Variants in FERMT1 observed in about 807,000 individuals in gnomAD.
FERMT1 encodes FERM domain containing kindlin 1.
FERMT1 carries 60 observed loss-of-function variants against 85.3 expected under a neutral mutation model. The observed-to-expected ratio is 0.70, with a 90% CI of 0.57 to 0.87. The LOEUF (loss-of-function observed/expected upper bound fraction) is 0.87. Ranked by LOEUF, FERMT1 falls within the 40% of genes least tolerant of loss-of-function variation. FERMT1 has a pLI of 0.00. For missense variants in FERMT1, 701 were observed against 818.9 expected, an observed-to-expected ratio of 0.86 and a Z score of 1.76; for synonymous variants, 275 against 301.1, an observed-to-expected ratio of 0.91 and a Z score of 0.90.
At chr20:6,120,871 C>A (rs973160974) in intron 1 of FERMT1, among the ~76,000 whole-genome samples, 2 of 152,196 alleles carry the variant, frequency 1.3e-5, no homozygotes, top group African/African-American at 4.8e-5. Flanking sequence ...TTCTTCCCTT[C>A]AACCTATTTA....
At chr20:6,119,050 C>T (rs1297528829) in intron 2 of FERMT1, among the ~76,000 whole-genome samples, 1 of 151,894 alleles carries the variant, frequency 6.6e-6, no homozygotes, top group Non-Finnish European at 1.5e-5. Flanking sequence ...CGGGTTCAAG[C>T]GATTCTCCTG....
intron 6 of FERMT1, among the ~76,000 whole-genome samples, chr20:6,101,778 G>T (rs1051679326): frequency 6.6e-6 from 1 of 151,876 alleles, no homozygotes; most frequent in East Asian, 1.9e-4. Flanking sequence ...TCAGCTTCCC[G>T]AGTAGCTGGG....
chr20:6,096,729 C>T (rs1471119547), intron 8 of FERMT1, among the ~76,000 whole-genome samples, 173 bp downstream of exon 8: 1 of 149,718 alleles, frequency 6.7e-6, no homozygotes, highest in Non-Finnish European at 1.5e-5. Flanking sequence ...CCTTGTGGAG[C>T]TAACCCATGA....
At chr20:6,091,376 C>T (rs6076937) in intron 9 of FERMT1, among the ~76,000 whole-genome samples, 1 of 151,364 alleles carries the variant, frequency 6.6e-6, no homozygotes, top group African/African-American at 2.4e-5. Flanking sequence ...ATTACAGGCA[C>T]GTGCCACCAC....
At chr20:6,096,806 A>T in intron 8 of FERMT1, 96 bp downstream of exon 8, 1 of 1,036,254 alleles carries the variant, frequency 9.7e-7, no homozygotes, top group Non-Finnish European at 1.4e-6. Context: ...TTTTTTCAAA[A>T]TCAGATGAAA....
At chr20:6,077,379 C>A (rs1452496049) in intron 14 of FERMT1, 33 bp from the exon 15 acceptor site, 1 of 1,611,186 alleles carries the variant, frequency 6.2e-7, no homozygotes, top group South Asian at 1.1e-5. Flanking sequence ...AGCTTAAACT[C>A]TGACAAGGAA....
rs772679606 is a variant in FERMT1 at position 6,107,679 on chromosome 20, T to C, written c.747-45A>G. 6 of 979,048 alleles carry C rather than the reference T, an allele frequency of 6.1e-6. No individual in the cohort carries two copies. In the South Asian group the frequency reaches 7.9e-5, roughly 13 times the overall value. The allele number at this position is 979,048 out of a possible 1,614,324, so 60.6% of individuals were successfully genotyped here. A position where few individuals can be genotyped will look rare whatever the true frequency, so the allele number is the denominator to read the frequency against. On this transcript the variant is annotated intron_variant, in intron 5 of 14. Transcript: ENST00000217289. ...GTTTTAGAAGCCAGTCAATTTTACA[T>C]ATATATCCATTATATTATTATGTCA...
chr20:6,077,548 C>G (rs1164496948), intron 14 of FERMT1, among the ~76,000 whole-genome samples: 1 of 152,106 alleles, frequency 6.6e-6, no homozygotes, highest in Non-Finnish European at 1.5e-5. Flanking sequence ...CTGGTGGTGT[C>G]GACTTTGCTG....
chr20:6,077,672 C>A (rs1269270979), intron 14 of FERMT1, among the ~76,000 whole-genome samples: 1 of 152,008 alleles, frequency 6.6e-6, no homozygotes, highest in Non-Finnish European at 1.5e-5. Context: ...TTCGCAGGCA[C>A]TTTATTTTTA....
At chr20:6,081,112 T>A (rs1395929956) in intron 13 of FERMT1, among the ~76,000 whole-genome samples, 1 of 151,890 alleles carries the variant, frequency 6.6e-6, no homozygotes, top group Non-Finnish European at 1.5e-5. Context: ...CACAGTGAGA[T>A]CCCATCTCCT....
At position 6,097,632 on chromosome 20, in the gene FERMT1, C is replaced by T. The variant is rs1160754967; in HGVS notation, c.850-1G>A. Reference sequence around the variant, plus strand: ...GTTGGTTTATTCGGACAGCATCATACTAGAGACAAAAACAGAGGTGTGTGT... The same window carrying T: ...GTTGGTTTATTCGGACAGCATCATATTAGAGACAAAAACAGAGGTGTGTGT... On this transcript the variant is annotated splice_acceptor_variant, in intron 6 of 14. Transcript: ENST00000217289. LOFTEE classifies it high-confidence loss of function. 2 of 1,603,876 alleles carry T rather than the reference C, an allele frequency of 1.2e-6. No homozygotes were observed. The highest frequency in any genetic ancestry group is 1.7e-4 in the Middle Eastern group (1 of 6,038).
At chr20:6,083,649 T>A (rs2123096791) in intron 13 of FERMT1, among the ~76,000 whole-genome samples, 1 of 108,230 alleles carries the variant, frequency 9.2e-6, no homozygotes, top group Non-Finnish European at 1.7e-5. Flanking sequence ...GGCGGCAAAA[T>A]GAGACACCCC....
rs1443145174 is a variant in FERMT1 at position 6,075,426 on chromosome 20, A to T, written c.*1747T>A. The T allele has an allele frequency of 6.6e-6, 1 of 152,350 alleles. No homozygotes were observed. Among genetic ancestry groups the T allele is most frequent in the Non-Finnish European group, 1.5e-5 (1 of 68,048 alleles). 9.4% of individuals were successfully genotyped at this position (152,350 alleles called of 1,614,324 possible). ...GTACACTTAGCACTTGTTTCTATAG[A>T]AAACATTTCAAATCAAGTTCTTTAT... is the stretch of plus-strand genomic sequence containing the variant. On this transcript the variant is annotated 3_prime_UTR_variant, in exon 15 of 15. Transcript: ENST00000217289.
intron 2 of FERMT1, among the ~76,000 whole-genome samples, chr20:6,116,847 A>AATCTC (rs1457646830): frequency 4.6e-5 from 7 of 152,338 alleles, no homozygotes; most frequent in African/African-American, 1.7e-4. Flanking sequence ...TGTTCGCTAA[A>AATCTC]ATCTCTGTGC....
At chr20:6,083,184 A>G (rs1226785090) in intron 13 of FERMT1, among the ~76,000 whole-genome samples, 1 of 152,240 alleles carries the variant, frequency 6.6e-6, no homozygotes, top group African/African-American at 2.4e-5. Context: ...TTTGATTTAC[A>G]AGCATGCTTG....
Position 6,104,167 on chromosome 20 carries a change from G to A in FERMT1, c.849+3365C>T, listed in dbSNP as rs1021462397. On this transcript the variant is annotated intron_variant, in intron 6 of 14. Transcript: ENST00000217289. The surrounding 1 kb of genome is among the most constrained non-coding windows in gnomAD (Gnocchi z 4.2). ...ATTACAGGCATGAGCCCCTGCGCCC[G>A]GCTGAGTCTATTATTTTTGAAATGT... Among the ~76,000 whole-genome samples, 20 of 152,038 alleles carry A rather than the reference G, an allele frequency of 1.3e-4. No individual in the cohort carries two copies. Among genetic ancestry groups the A allele is most frequent in the African/African-American group, 4.1e-4 (17 of 41,406 alleles).
intron 5 of FERMT1, among the ~76,000 whole-genome samples, chr20:6,109,693 A>G (rs950574588): frequency 6.6e-6 from 1 of 152,106 alleles, no homozygotes; most frequent in African/African-American, 2.4e-5. Context: ...TGAGGTCAGG[A>G]GTTCGAGACC....
At chr20:6,118,744 A>T (rs1983178509) in intron 2 of FERMT1, among the ~76,000 whole-genome samples, 1 of 152,210 alleles carries the variant, frequency 6.6e-6, no homozygotes, top group Admixed American at 6.5e-5. Flanking sequence ...CAGGGAGCAT[A>T]GTAAACGGTG....
intron 8 of FERMT1, among the ~76,000 whole-genome samples, 177 bp from the exon 9 acceptor site, chr20:6,095,165 T>C (rs1158580051): frequency 6.6e-6 from 1 of 152,198 alleles, no homozygotes; most frequent in African/African-American, 2.4e-5. Flanking sequence ...ACATTTCTGA[T>C]AGTTAACTGG....
Sources: allele counts gnomAD v4.1 joint callset (sites outside exome capture counted in the v4.1 genomes callset), GRCh38; gene constraint gnomAD v4.1.1; non-coding constraint Gnocchi (gnomAD v3.1); transcripts MANE v1.5; gene names NCBI Gene and HGNC (gene_info 2026-07-23, HGNC 2026-07-21).